GLTP: variants seen among roughly 807,000 people sequenced by gnomAD.
GLTP encodes the protein glycolipid transfer protein.
Under a neutral mutation model 24.0 loss-of-function variants are expected in GLTP, and 22 were observed. The observed-to-expected ratio is 0.92, with a 90% CI of 0.65 to 1.31. GLTP has a LOEUF of 1.31. Among genes scored for constraint, GLTP ranks in the 50% most tolerant of loss-of-function variants. The pLI, the probability that GLTP is intolerant of heterozygous loss-of-function variation, is 0.00. For missense variants in GLTP, 224 were observed against 276.6 expected, an observed-to-expected ratio of 0.81 and a Z score of 1.35; for synonymous variants, 92 against 115.9, an observed-to-expected ratio of 0.79 and a Z score of 1.33.
Position 109,857,782 on chromosome 12 carries a change from G to GGAA in GLTP, c.163-124_163-123insTTC. On this transcript the variant is annotated intron_variant, in intron 2 of 4. Coordinates refer to ENST00000318348, the MANE Select transcript of GLTP (RefSeq NM_016433.4). This position sits in a 1 kb window ranked among gnomAD's most constrained non-coding sequence, Gnocchi z 4.3. ...TCCTTCCTGCCCTCCAGGAACAGCA[G>GGAA]GGATAAGACTTGTAACAATAACTAT... 2 of 953,010 alleles carry GGAA rather than the reference G, an allele frequency of 2.1e-6. No homozygotes were observed. The highest frequency in any genetic ancestry group is 1.6e-5 in the African/African-American group (1 of 62,262). The allele number at this position is 953,010 out of a possible 1,614,324, so 59.0% of individuals were successfully genotyped here.
At chr12:109,858,823 AG>A (rs1892836505) in intron 1 of GLTP, 82 bp from the exon 2 acceptor site, 1 of 909,054 alleles carries the variant, frequency 1.1e-6, no homozygotes, top group African/African-American at 1.6e-5. Context: ...GGGACATGGA[AG>A]GGTGGATTAC....
intron 1 of GLTP, among the ~76,000 whole-genome samples, chr12:109,878,989 G>C (rs866979186): frequency 6.6e-6 from 1 of 152,132 alleles, no homozygotes; most frequent in Non-Finnish European, 1.5e-5. Flanking sequence ...TTACGGCCTC[G>C]GTACTTTACA....
intron 1 of GLTP, among the ~76,000 whole-genome samples, chr12:109,866,036 T>C (rs1868518485): frequency 6.6e-6 from 1 of 152,116 alleles, no homozygotes; most frequent in African/African-American, 2.4e-5. Context: ...AGAGAGTCTG[T>C]GTAACAAGGA....
At chr12:109,867,986 C>G (rs1868597787) in intron 1 of GLTP, among the ~76,000 whole-genome samples, 1 of 152,136 alleles carries the variant, frequency 6.6e-6, no homozygotes, top group African/African-American at 2.4e-5. Context: ...ACCGTGTTAG[C>G]CAGGATGGTC....
At chr12:109,875,038 C>T (rs1868840929) in intron 1 of GLTP, among the ~76,000 whole-genome samples, 1 of 152,132 alleles carries the variant, frequency 6.6e-6, no homozygotes, top group Admixed American at 6.6e-5. Context: ...GTTGGGATTA[C>T]AGGAGTGAGC....
Position 109,855,853 on chromosome 12 carries a change from T to C in GLTP, c.297-84A>G. On this transcript the variant is annotated intron_variant, in intron 3 of 4. Transcript: ENST00000318348. This position sits in a 1 kb window ranked among gnomAD's most constrained non-coding sequence, Gnocchi z 4.1. ...CCTGATGGACTCTGAATTTGCCACC[T>C]ACTGTGAGCCAGGAACATGGGCGCC... 1 of 1,198,974 alleles carries C rather than the reference T, an allele frequency of 8.3e-7. No individual in the cohort carries two copies. Among genetic ancestry groups the C allele is most frequent in the Non-Finnish European group, 1.1e-6 (1 of 879,918 alleles). The allele number at this position is 1,198,974 out of a possible 1,614,324, so 74.3% of individuals were successfully genotyped here. A position where few individuals can be genotyped will look rare whatever the true frequency, so the allele number is the denominator to read the frequency against.
chr12:109,864,198 G>A (rs1163287970), intron 1 of GLTP, among the ~76,000 whole-genome samples: 1 of 152,166 alleles, frequency 6.6e-6, no homozygotes, highest in Non-Finnish European at 1.5e-5. Context: ...GGCGAGGCAG[G>A]GGCTGGGAAC....
At position 109,880,331 on chromosome 12, in the gene GLTP, T is replaced by A; in HGVS notation, c.44A>T (p.Asp15Val). Residue 15 changes from aspartate to valine, a missense_variant, in exon 1 of 5, where the codon GAC becomes GTC. Transcript: ENST00000318348. The surrounding 1 kb of genome is among the most constrained non-coding windows in gnomAD (Gnocchi z 5.1). ...GAAGGGCCCGGTCTCGATCTGCTTGTCCGCGGGCAGCGGCTTCAGCAAGTG... is the reference window on the plus strand; with the variant it reads ...GAAGGGCCCGGTCTCGATCTGCTTGACCGCGGGCAGCGGCTTCAGCAAGTG... The part of the protein sequence containing the change: ...AEHLLKPLPA[D>V]KQIETGPFLE... 1 of 1,578,950 alleles carries A rather than the reference T, an allele frequency of 6.3e-7. No individual in the cohort carries two copies. Among genetic ancestry groups the A allele is most frequent in the Non-Finnish European group, 8.6e-7 (1 of 1,161,842 alleles).
intron 1 of GLTP, among the ~76,000 whole-genome samples, chr12:109,870,849 C>T (rs1038181770): frequency 6.6e-6 from 1 of 152,030 alleles, no homozygotes; most frequent in Non-Finnish European, 1.5e-5. Flanking sequence ...AAGTGTGAGT[C>T]GACTGCCTAA....
intron 1 of GLTP, among the ~76,000 whole-genome samples, chr12:109,869,546 TC>T (rs1374974418): frequency 7.0e-6 from 1 of 141,972 alleles, no homozygotes; most frequent in African/African-American, 2.6e-5. Flanking sequence ...ATCTCCAACT[TC>T]CAGGTTCAAG....
chr12:109,861,403 T>C (rs1868368547), intron 1 of GLTP, among the ~76,000 whole-genome samples: 1 of 152,120 alleles, frequency 6.6e-6, no homozygotes, highest in African/African-American at 2.4e-5. Flanking sequence ...TCCTCTTGTG[T>C]CAAATGGGGC....
chr12:109,866,926 AT>A (rs34869730), intron 1 of GLTP, among the ~76,000 whole-genome samples: 73,305 of 118,346 alleles, frequency 0.62, 23,180 homozygotes, highest in African/African-American at 0.81. Flanking sequence ...TGCTGGGCTA[AT>A]TTTTTTTTTT....
chr12:109,862,879 C>G (rs367914675), intron 1 of GLTP, among the ~76,000 whole-genome samples: 1 of 152,072 alleles, frequency 6.6e-6, no homozygotes, highest in South Asian at 2.1e-4. Flanking sequence ...TGGTGAAACC[C>G]CATCTCTAAT....
intron 1 of GLTP, among the ~76,000 whole-genome samples, chr12:109,867,924 C>CCCG (rs1406851653): frequency 6.6e-6 from 1 of 152,076 alleles, no homozygotes; most frequent in Non-Finnish European, 1.5e-5. Flanking sequence ...ACTACAGGTG[C>CCCG]CCGCCACCAC....
At chr12:109,861,711 G>A (rs867681705) in intron 1 of GLTP, among the ~76,000 whole-genome samples, 37 of 151,824 alleles carry the variant, frequency 2.4e-4, no homozygotes, top group Middle Eastern at 3.4e-3. Flanking sequence ...TTGTGCCACT[G>A]CACTCCAGCC....
At chr12:109,852,796 C>T (rs1892744790) in intron 4 of GLTP, 59 bp from the exon 5 acceptor site, 1 of 1,128,864 alleles carries the variant, frequency 8.9e-7, no homozygotes, top group African/African-American at 1.5e-5. Context: ...GGAGCCAGGC[C>T]AGCAGGCCAG....
chr12:109,862,431 C>G (rs1047438278), intron 1 of GLTP, among the ~76,000 whole-genome samples: 1 of 152,184 alleles, frequency 6.6e-6, no homozygotes, highest in African/African-American at 2.4e-5. Flanking sequence ...ATCCTCTTTC[C>G]TCTGCCAGTG....
rs938295047 is a variant in GLTP, at chr12:109,857,122, C to T, written c.296+404G>A. Among the ~76,000 whole-genome samples the T allele has an allele frequency of 1.3e-5, 2 of 152,178 alleles. No homozygotes were observed. The highest frequency in any genetic ancestry group is 2.4e-5 in the African/African-American group (1 of 41,442). On this transcript the variant is annotated intron_variant, in intron 3 of 4. Transcript: ENST00000318348. This position sits in a 1 kb window ranked among gnomAD's most constrained non-coding sequence, Gnocchi z 4.3. Reference sequence around the variant, plus strand: ...TACAAATCCACTTTGTACGCGTGACCAGCCCTAAACAGGACACCTTTGTGC... The same window carrying T: ...TACAAATCCACTTTGTACGCGTGACTAGCCCTAAACAGGACACCTTTGTGC...
chr12:109,858,958 C>T (rs1469236900), intron 1 of GLTP, among the ~76,000 whole-genome samples: 1 of 152,182 alleles, frequency 6.6e-6, no homozygotes, highest in East Asian at 1.9e-4. Context: ...GGCTACAGCA[C>T]CAACCACAGA....
Sources: allele counts gnomAD v4.1 joint callset (sites outside exome capture counted in the v4.1 genomes callset), GRCh38; gene constraint gnomAD v4.1.1; non-coding constraint Gnocchi (gnomAD v3.1); transcripts MANE v1.5; gene names NCBI Gene and HGNC (gene_info 2026-07-23, HGNC 2026-07-21).